ASB6: variants seen among roughly 807,000 people sequenced by gnomAD.
The protein encoded by ASB6 is ankyrin repeat and SOCS box protein 6.
Under a neutral mutation model 28.6 loss-of-function variants are expected in ASB6, and 24 were observed. The ratio of observed to expected loss-of-function variants is 0.84; its 90% confidence interval spans 0.61 to 1.18. The LOEUF is 1.18. Ranked by LOEUF, ASB6 falls within the 50% of genes most tolerant of loss-of-function variation. The pLI, the probability that ASB6 is intolerant of heterozygous loss-of-function variation, is 0.00. For synonymous variants in ASB6, 267 were observed against 243.4 expected (o/e 1.10, Z -0.90); for missense variants, 519 against 559.8 (o/e 0.93, Z 0.74).
In ASB6 at chr9:129,635,673, G is replaced by C. The variant is rs532750590; in HGVS notation, c.*2117C>G. 1.6e-6 allele frequency: 1 copy of C among 614,148 alleles called. No homozygotes were observed. Among genetic ancestry groups the C allele is most frequent in the South Asian group, 2.0e-5 (1 of 50,096 alleles). The allele number at this position is 614,148 out of a possible 1,614,324, so 38.0% of individuals were successfully genotyped here. Reference sequence around the variant, plus strand: ...TGCTGCTGAACCAGCGGTGAGGCAGGAGCCCAGACCCTGCTCTCCTGCGAG... The same window carrying C: ...TGCTGCTGAACCAGCGGTGAGGCAGCAGCCCAGACCCTGCTCTCCTGCGAG... On this transcript the variant is annotated 3_prime_UTR_variant, in exon 6 of 6. Transcript: ENST00000277458.
chr9:129,635,354 G>T lies in ASB6; in HGVS notation c.*2436C>A. The T allele has an allele frequency of 6.2e-7, 1 of 1,613,832 alleles. No individual in the cohort carries two copies. Among genetic ancestry groups the T allele is most frequent in the South Asian group, 1.1e-5 (1 of 91,086 alleles). ...GGACAGCAGCGTGTGCCGGGACCTT[G>T]ACGTGGTCCGCAGGATCATCTGCAG... On this transcript the variant is annotated 3_prime_UTR_variant, in exon 6 of 6. Coordinates refer to ENST00000277458, the MANE Select transcript of ASB6 (RefSeq NM_017873.4).
chr9:129,641,487 G>C (rs956965533), intron 1 of ASB6, among the ~76,000 whole-genome samples: 4 of 152,230 alleles, frequency 2.6e-5, no homozygotes, highest in African/African-American at 7.2e-5. Flanking sequence ...GTCCACGACA[G>C]ACCAGCTCTT....
rs769963192 is a variant in ASB6, at chr9:129,639,266, C to T, written c.447G>A (p.Glu149=). ...GGAGGCGCTGCAGGCAGGGCAGGCG[C>T]TCAGGCTCCTCGCTGGCCAGGTCCA... ...SPLDLASEEP[E]RLPCLQRLLD... The change falls in exon 4 of 6, where the codon GAG becomes GAA. Residue 149 remains glutamate (E), a synonymous_variant. Coordinates refer to ENST00000277458, the MANE Select transcript of ASB6 (RefSeq NM_017873.4). The T allele has an allele frequency of 7.4e-6, 12 of 1,612,772 alleles. No individual in the cohort carries two copies. Among genetic ancestry groups the T allele is most frequent in the Non-Finnish European group, 1.0e-5 (12 of 1,179,650 alleles).
At position 129,638,132 on chromosome 9, in the gene ASB6, A is replaced by G; in HGVS notation, c.924T>C (p.Cys308=). Reference sequence around the variant, plus strand: ...CGTCTTCCGTGCAGCCTGGGTGGGAACAGAGCCTCTCAAAGATGATGTGAA... The same window carrying G: ...CGTCTTCCGTGCAGCCTGGGTGGGAGCAGAGCCTCTCAAAGATGATGTGAA... ...SGFHIIFERL[C]SHPGCTEDES... Residue 308 remains cysteine, a synonymous_variant, in exon 6 of 6, where the codon TGT becomes TGC. Transcript: ENST00000277458. The G allele has an allele frequency of 6.2e-7, 1 of 1,614,164 alleles. No individual in the cohort carries two copies. The highest frequency in any genetic ancestry group is 8.5e-7 in the Non-Finnish European group (1 of 1,180,018).
In ASB6 at chr9:129,635,182, G is replaced by A; in HGVS notation, c.*2608C>T. On this transcript the variant is annotated 3_prime_UTR_variant, in exon 6 of 6. Coordinates refer to ENST00000277458, the MANE Select transcript of ASB6 (RefSeq NM_017873.4). ...CCGACATCCGCTTGCATGGTGCCCT[G>A]GTAACCTTGCCTCTGCCCTCCCCAG... 14 of 1,595,382 alleles carry A rather than the reference G, an allele frequency of 8.8e-6. No homozygotes were observed. The highest frequency in any genetic ancestry group is 1.2e-5 in the Non-Finnish European group (14 of 1,174,486).
In ASB6 at chr9:129,640,892, A is replaced by G; in HGVS notation, c.114-170T>C. 1.5e-5 allele frequency: 11 copies of G among 754,836 alleles called. No homozygotes were observed. The South Asian group carries it at 1.9e-4, about 13-fold the overall frequency. The allele number at this position is 754,836 out of a possible 1,614,324, so 46.8% of individuals were successfully genotyped here. On this transcript the variant is annotated intron_variant, in intron 1 of 5. Transcript: ENST00000277458. The stretch of plus-strand genomic sequence containing the variant: ...TGAAGTAGAGAGAGGGCCACGCTGC[A>G]TCTCTTAATACGGGAGCAGACTGGG...
rs1047931479 is a variant in ASB6, at chr9:129,634,653, G to C, written c.*3137C>G. On this transcript the variant is annotated 3_prime_UTR_variant, in exon 6 of 6. Coordinates refer to ENST00000277458, the MANE Select transcript of ASB6 (RefSeq NM_017873.4). ...TAATAAGATGAATAGTTTAAGCTTC[G>C]TGTCTAGCCCTGCACCCTCTTAGCC... 5 of 251,394 alleles carry C rather than the reference G, an allele frequency of 2.0e-5. No individual in the cohort carries two copies. Among genetic ancestry groups the C allele is most frequent in the Non-Finnish European group, 3.8e-5 (5 of 130,468 alleles). 15.6% of individuals were successfully genotyped at this position (251,394 alleles called of 1,614,324 possible). A position where few individuals can be genotyped will look rare whatever the true frequency, so the allele number is the denominator to read the frequency against.
Position 129,638,588 on chromosome 9 carries a change from G to C in ASB6, c.583C>G (p.Leu195Val). ...CCAGCCTCACCTCCTTCCAGTAAGA[G>C]ACGAATGTTCTCAGTATTGTGGATC... ...VQIHNTENIR[L>V]LLEGGADVKA... The change falls in exon 5 of 6, where the codon CTC (leucine) becomes GTC (valine). Residue 195 changes from leucine to valine, a missense_variant. Coordinates refer to ENST00000277458, the MANE Select transcript of ASB6 (RefSeq NM_017873.4). 1 of 1,614,034 alleles carries C rather than the reference G, an allele frequency of 6.2e-7. No homozygotes were observed. Among genetic ancestry groups the C allele is most frequent in the African/African-American group, 1.3e-5 (1 of 75,058 alleles).
chr9:129,635,437 C>T lies in ASB6; in HGVS notation c.*2353G>A, dbSNP rs780090427. On this transcript the variant is annotated 3_prime_UTR_variant, in exon 6 of 6. Transcript: ENST00000277458. ...AGGAGAACCTCCCCGATGAGATCTA[C>T]CATGTCTATAGCTTTGCCCTGAGAT... The T allele has an allele frequency of 1.9e-5, 30 of 1,613,210 alleles. No homozygotes were observed. In the Admixed American group the frequency reaches 2.0e-4, roughly 11 times the overall value.
At chr9:129,641,819 G>C in intron 1 of ASB6, 68 bp downstream of exon 1, 1 of 1,449,310 alleles carries the variant, frequency 6.9e-7, no homozygotes. Context: ...CGCCCGGCTT[G>C]TGGTGATAAA....
chr9:129,640,088 T>TCAGGAGC (rs376332727), intron 2 of ASB6, among the ~76,000 whole-genome samples: 7 of 152,112 alleles, frequency 4.6e-5, no homozygotes, highest in Middle Eastern at 3.4e-3. Context: ...TCCCTGGCAC[T>TCAGGAGC]CAGGAGCCAG....
Position 129,637,561 on chromosome 9 carries a change from G to A in ASB6, c.*229C>T. 1 of 402,738 alleles carries A rather than the reference G, an allele frequency of 2.5e-6. No homozygotes were observed. The highest frequency in any genetic ancestry group is 4.4e-6 in the Non-Finnish European group (1 of 228,532). The allele number at this position is 402,738 out of a possible 1,614,324, so 24.9% of individuals were successfully genotyped here. A position where few individuals can be genotyped will look rare whatever the true frequency, so the allele number is the denominator to read the frequency against. On this transcript the variant is annotated 3_prime_UTR_variant, in exon 6 of 6. Coordinates refer to ENST00000277458, the MANE Select transcript of ASB6 (RefSeq NM_017873.4). ...CTGTTCCTCTTTCCAACATGGGGGG[G>A]ACTTGGAGTGCCGCTGGAGGGAAGG...
Position 129,635,564 on chromosome 9 carries a change from A to G in ASB6, c.*2226T>C. The G allele has an allele frequency of 7.3e-7, 1 of 1,372,456 alleles. No individual in the cohort carries two copies. The allele number at this position is 1,372,456 out of a possible 1,614,324, so 85.0% of individuals were successfully genotyped here. On this transcript the variant is annotated 3_prime_UTR_variant, in exon 6 of 6. Transcript: ENST00000277458. Reference sequence around the variant, plus strand: ...CCACGCTGGCGGTTCGTGAGTGTCGAGGCACCACTAAATATAGCTGTCTGC... The same window carrying G: ...CCACGCTGGCGGTTCGTGAGTGTCGGGGCACCACTAAATATAGCTGTCTGC...
chr9:129,639,642 G>A (rs569820992), intron 2 of ASB6, 134 bp from the exon 3 acceptor site: 6 of 774,928 alleles, frequency 7.7e-6, no homozygotes, highest in Non-Finnish European at 1.2e-5. Flanking sequence ...CACCATCAAG[G>A]GTTAGGACAG....
intron 2 of ASB6, 184 bp downstream of exon 2, chr9:129,640,357 T>C: frequency 2.8e-6 from 2 of 712,970 alleles, no homozygotes; most frequent in Middle Eastern, 4.1e-4. Flanking sequence ...GGAAGAGCCA[T>C]GTGAAAACCC....
Position 129,640,622 on chromosome 9 carries a change from C to A in ASB6, c.214G>T (p.Ala72Ser), listed in dbSNP as rs1831673272. Residue 72 changes from alanine (A) to serine (S), a missense_variant, in exon 2 of 6, where the codon GCC becomes TCC. Transcript: ENST00000277458. ...SPFYQEGVSNALLKMAELGLT... is the reference protein window; with the variant it reads ...SPFYQEGVSNSLLKMAELGLT... ...CCCAGCTCAGCCATCTTGAGCAGGG[C>A]GTTGCTCACGCCTTCCTGGTAAAAG... is the stretch of plus-strand genomic sequence containing the variant. 1 of 1,614,036 alleles carries A rather than the reference C, an allele frequency of 6.2e-7. No homozygotes were observed. The highest frequency in any genetic ancestry group is 8.5e-7 in the Non-Finnish European group (1 of 1,180,008).
chr9:129,639,100 C>G, intron 4 of ASB6, 102 bp downstream of exon 4: 1 of 1,166,374 alleles, frequency 8.6e-7, no homozygotes, highest in Non-Finnish European at 1.2e-6. Context: ...CCAGGGCCAG[C>G]ATCCAGTCTG....
At chr9:129,639,969 G>C (rs1831654295) in intron 2 of ASB6, among the ~76,000 whole-genome samples, 1 of 152,166 alleles carries the variant, frequency 6.6e-6, no homozygotes, top group African/African-American at 2.4e-5. Flanking sequence ...AGACGTGCCT[G>C]GCTGTCTCAG....
chr9:129,640,371 G>C, intron 2 of ASB6, 170 bp downstream of exon 2: 1 of 856,866 alleles, frequency 1.2e-6, no homozygotes, highest in East Asian at 3.0e-5. Flanking sequence ...AAAACCCGCA[G>C]GGGGTGGGAG....
Sources: allele counts gnomAD v4.1 joint callset (sites outside exome capture counted in the v4.1 genomes callset), GRCh38; gene constraint gnomAD v4.1.1; transcripts MANE v1.5; gene names NCBI Gene and HGNC (gene_info 2026-07-23, HGNC 2026-07-21).